PCP4L1: variants seen among roughly 807,000 people sequenced by gnomAD.
PCP4L1 encodes the protein Purkinje cell protein 4-like protein 1.
PCP4L1 carries 9 observed loss-of-function variants against 9.6 expected under a neutral mutation model. That is an observed-to-expected ratio of 0.94 (90% CI 0.57 to 1.64). PCP4L1 has a LOEUF of 1.64. Among genes scored for constraint, PCP4L1 ranks in the 40% most tolerant of loss-of-function variants. The pLI, the probability that PCP4L1 is intolerant of heterozygous loss-of-function variation, is 0.00. For synonymous variants in PCP4L1, 31 were observed against 28.2 expected (o/e 1.10, Z -0.31); for missense variants, 81 against 80.8 (o/e 1.00, Z -0.01).
chr1:161,276,924 CT>C (rs1387476880), intron 1 of PCP4L1, among the ~76,000 whole-genome samples: 9 of 152,016 alleles, frequency 5.9e-5, no homozygotes, highest in Non-Finnish European at 1.3e-4. Context: ...TTCTTTCCCC[CT>C]AATGTTTTAT....
chr1:161,262,730 T>C (rs1669440440), intron 1 of PCP4L1, among the ~76,000 whole-genome samples: 1 of 152,150 alleles, frequency 6.6e-6, no homozygotes, highest in South Asian at 2.1e-4. Context: ...TGCACAAACT[T>C]GATGCATCTT....
At chr1:161,260,180 A>G (rs1180087811) in intron 1 of PCP4L1, among the ~76,000 whole-genome samples, 1 of 146,358 alleles carries the variant, frequency 6.8e-6, no homozygotes, top group African/African-American at 2.7e-5. Context: ...TTTAGATACT[A>G]AAAATGAAGA....
intron 1 of PCP4L1, among the ~76,000 whole-genome samples, chr1:161,269,505 T>C (rs1364081389): frequency 6.6e-6 from 1 of 152,192 alleles, no homozygotes; most frequent in African/African-American, 2.4e-5. Flanking sequence ...GAGAGCTCCC[T>C]TCATTTATTT....
intron 1 of PCP4L1, among the ~76,000 whole-genome samples, chr1:161,263,835 C>T (rs959210932): frequency 6.6e-6 from 1 of 150,492 alleles, no homozygotes; most frequent in African/African-American, 2.4e-5. Flanking sequence ...TCACCCATCT[C>T]AGCCTCCCAA....
At chr1:161,261,512 A>C (rs529367584) in intron 1 of PCP4L1, among the ~76,000 whole-genome samples, 1 of 152,330 alleles carries the variant, frequency 6.6e-6, no homozygotes, top group African/African-American at 2.4e-5. Flanking sequence ...ATCACACTCT[A>C]TCTCCTGTGG....
At chr1:161,266,073 A>C (rs1277657064) in intron 1 of PCP4L1, among the ~76,000 whole-genome samples, 5 of 152,054 alleles carry the variant, frequency 3.3e-5, no homozygotes, top group Non-Finnish European at 7.4e-5. Context: ...TGCATCCCTG[A>C]AAGGTGCCCA....
At chr1:161,266,620 G>A (rs183351031) in intron 1 of PCP4L1, among the ~76,000 whole-genome samples, 174 of 152,292 alleles carry the variant, frequency 1.1e-3, no homozygotes, top group Non-Finnish European at 1.9e-3. Flanking sequence ...AGACAAGGGG[G>A]CTTGGGAGCT....
chr1:161,258,870 C>G lies in PCP4L1; in HGVS notation c.-105C>G. On this transcript the variant is annotated 5_prime_UTR_variant, in exon 1 of 3. Transcript: ENST00000504449. ...TCTCCTCTCCTGGTCAGCTGTAACC[C>G]CTGCCGCAGAGCCCGGCAACTTTCA... 2.0e-6 allele frequency: 3 copies of G among 1,480,960 alleles called. No homozygotes were observed. Among genetic ancestry groups the G allele is most frequent in the Non-Finnish European group, 2.7e-6 (3 of 1,097,048 alleles). The allele number at this position is 1,480,960 out of a possible 1,614,324, so 91.7% of individuals were successfully genotyped here.
At chr1:161,278,088 T>A (rs558912761) in intron 1 of PCP4L1, among the ~76,000 whole-genome samples, 1 of 152,286 alleles carries the variant, frequency 6.6e-6, no homozygotes, top group African/African-American at 2.4e-5. Context: ...GTTTTTTTCT[T>A]CCTTACTAAA....
At position 161,284,339 on chromosome 1, in the gene PCP4L1, G is replaced by A. The variant is rs751537823; in HGVS notation, c.65G>A (p.Gly22Glu). 8.7e-6 allele frequency: 14 copies of A among 1,613,868 alleles called. No homozygotes were observed. In the Admixed American group the frequency reaches 2.2e-4, roughly 25 times the overall value. The change falls in exon 3 of 3, where the codon GGA becomes GAA. Residue 22 changes from glycine to glutamate, a missense_variant and splice_region_variant. Transcript: ENST00000504449. ...TAATGAGTCTCCCAACTATCTGCAG[G>A]AAAAGCTGGCAATGTCAAGAAGGCG... ...TNQAAGQEEK[G>E]KAGNVKKAEE...
intron 1 of PCP4L1, among the ~76,000 whole-genome samples, chr1:161,272,672 C>T (rs1295268138): frequency 6.6e-6 from 1 of 151,098 alleles, no homozygotes; most frequent in African/African-American, 2.4e-5. Context: ...TTGAGGGAGG[C>T]TTTTATTTAT....
chr1:161,262,919 A>G (rs1249697117), intron 1 of PCP4L1, among the ~76,000 whole-genome samples: 1 of 152,204 alleles, frequency 6.6e-6, no homozygotes, highest in African/African-American at 2.4e-5. Context: ...CTATTTTATC[A>G]TAGAGAAAAA....
At chr1:161,263,441 G>C (rs1669454257) in intron 1 of PCP4L1, among the ~76,000 whole-genome samples, 1 of 152,048 alleles carries the variant, frequency 6.6e-6, no homozygotes, top group Admixed American at 6.6e-5. Flanking sequence ...GTTTCACTAT[G>C]TTGGCCAGAC....
At chr1:161,259,619 C>T (rs1395674740) in intron 1 of PCP4L1, among the ~76,000 whole-genome samples, 3 of 152,158 alleles carry the variant, frequency 2.0e-5, no homozygotes, top group South Asian at 2.1e-4. Flanking sequence ...TGGTGTTCAC[C>T]GTGGCCAGAC....
chr1:161,266,443 C>T (rs1669531919), intron 1 of PCP4L1, among the ~76,000 whole-genome samples: 1 of 152,198 alleles, frequency 6.6e-6, no homozygotes, highest in South Asian at 2.1e-4. Context: ...CAGAGCACCA[C>T]AAATAACCAC....
intron 1 of PCP4L1, 108 bp from the exon 2 acceptor site, chr1:161,283,560 A>G (rs1669857624): frequency 1.0e-6 from 1 of 973,920 alleles, no homozygotes; most frequent in Non-Finnish European, 1.5e-6. Context: ...GACTAAGGGA[A>G]TGCACCTGGT....
intron 1 of PCP4L1, among the ~76,000 whole-genome samples, chr1:161,264,486 C>T (rs1432408730): frequency 6.6e-6 from 1 of 151,898 alleles, no homozygotes; most frequent in Non-Finnish European, 1.5e-5. Context: ...CACTGCACTC[C>T]AGCCTGTGAC....
intron 1 of PCP4L1, among the ~76,000 whole-genome samples, chr1:161,275,663 T>C (rs1468582302): frequency 2.0e-5 from 3 of 152,030 alleles, no homozygotes; most frequent in African/African-American, 7.2e-5. Flanking sequence ...AGTCCGAGAT[T>C]TACTGGCAAA....
chr1:161,284,176 C>G (rs1033773678), intron 2 of PCP4L1, among the ~76,000 whole-genome samples, 163 bp from the exon 3 acceptor site: 1 of 152,220 alleles, frequency 6.6e-6, no homozygotes, highest in South Asian at 2.1e-4. Flanking sequence ...TACCTTGACT[C>G]AGACTTCTAG....
Sources: allele counts gnomAD v4.1 joint callset (sites outside exome capture counted in the v4.1 genomes callset), GRCh38; gene constraint gnomAD v4.1.1; transcripts MANE v1.5; gene names NCBI Gene and HGNC (gene_info 2026-07-23, HGNC 2026-07-21).